The following PCDH9 variants were observed in gnomAD, a reference collection of about 807,000 sequenced individuals.
PCDH9 encodes the protein protocadherin-9.
PCDH9 carries 24 observed loss-of-function variants against 70.6 expected under a neutral mutation model. That is an observed-to-expected ratio of 0.34 (90% CI 0.25 to 0.48). The LOEUF is 0.48. Among genes scored for constraint, PCDH9 ranks in the 20% least tolerant of loss-of-function variants. PCDH9 has a pLI of 0.99. For synonymous variants in PCDH9, 562 were observed against 558.5 expected (o/e 1.01, Z -0.09); for missense variants, 1,281 against 1,503.6 (o/e 0.85, Z 2.45).
intron 3 of PCDH9, among the ~76,000 whole-genome samples, chr13:66,730,878 T>TTTTG (rs2079067182): frequency 6.0e-5 from 1 of 16,780 alleles, no homozygotes; most frequent in Non-Finnish European, 2.6e-4. Context: ...GTGTGTGTGT[T>TTTTG]TTTTTTTTGT....
intron 3 of PCDH9, among the ~76,000 whole-genome samples, chr13:66,885,776 G>A (rs1231384953): frequency 6.6e-6 from 1 of 152,144 alleles, no homozygotes; most frequent in East Asian, 1.9e-4. Flanking sequence ...TGGAAGAATT[G>A]TAATACCACT....
At chr13:66,485,384 G>A (rs528230677) in intron 4 of PCDH9, among the ~76,000 whole-genome samples, 20 of 152,020 alleles carry the variant, frequency 1.3e-4, no homozygotes, top group African/African-American at 4.3e-4. Flanking sequence ...TGAGACTATC[G>A]GCCATTAAGT....
At position 66,702,397 on chromosome 13, in the gene PCDH9, T is replaced by C. The variant is rs2078658213; in HGVS notation, c.3139-70986A>G. Among the ~76,000 whole-genome samples the C allele has an allele frequency of 2.0e-5, 3 of 152,230 alleles. No individual in the cohort carries two copies. In the South Asian group the frequency reaches 6.2e-4, roughly 32 times the overall value. The stretch of plus-strand genomic sequence containing the variant: ...TGCACAAAAGCAGACAGCAGAATGA[T>C]AGTTGCCAGGGACTGAAGGAGGGGG... On this transcript the variant is annotated intron_variant, in intron 3 of 4. Transcript: ENST00000377865.
At chr13:66,333,253 A>G (rs1175168106) in intron 4 of PCDH9, among the ~76,000 whole-genome samples, 2 of 152,156 alleles carry the variant, frequency 1.3e-5, no homozygotes, top group Admixed American at 1.3e-4. Context: ...ATAGTTGTCA[A>G]AGGATACGAT....
intron 3 of PCDH9, among the ~76,000 whole-genome samples, chr13:66,679,331 T>A (rs1293076827): frequency 6.6e-6 from 1 of 151,782 alleles, no homozygotes; most frequent in Non-Finnish European, 1.5e-5. Flanking sequence ...TAATATGATA[T>A]TATAGTGATA....
At chr13:66,552,873 G>A (rs955964414) in intron 4 of PCDH9, among the ~76,000 whole-genome samples, 1 of 152,082 alleles carries the variant, frequency 6.6e-6, no homozygotes, top group Non-Finnish European at 1.5e-5. Context: ...CAGCGTGACT[G>A]GGGAGGTCTC....
intron 3 of PCDH9, among the ~76,000 whole-genome samples, chr13:66,803,916 T>C (rs2139345894): frequency 6.6e-6 from 1 of 152,284 alleles, no homozygotes; most frequent in South Asian, 2.1e-4. Context: ...TGTTAAGTGA[T>C]CTGTGTGATT....
intron 2 of PCDH9, among the ~76,000 whole-genome samples, chr13:66,938,475 G>C (rs2082954065): frequency 6.6e-6 from 1 of 152,136 alleles, no homozygotes; most frequent in Non-Finnish European, 1.5e-5. Flanking sequence ...ATGTGGACTG[G>C]ATTCAGGTGA....
chr13:66,962,593 A>G (rs543427474), intron 2 of PCDH9, among the ~76,000 whole-genome samples: 1 of 152,346 alleles, frequency 6.6e-6, no homozygotes, highest in East Asian at 1.9e-4. Flanking sequence ...TACTGGAGGC[A>G]ATCATAACAA....
chr13:66,362,431 TC>T (rs1432204668), intron 4 of PCDH9, among the ~76,000 whole-genome samples: 1 of 152,132 alleles, frequency 6.6e-6, no homozygotes, highest in African/African-American at 2.4e-5. Flanking sequence ...TATGGGAAGA[TC>T]CCAACATTAC....
chr13:67,111,355 T>C (rs4884714), intron 2 of PCDH9, among the ~76,000 whole-genome samples: 148,808 of 152,232 alleles, frequency 0.98, 72,812 homozygotes, highest in East Asian at 1. Context: ...CAAGTGATCC[T>C]TCAAGCTATG....
chr13:67,057,370 G>C (rs893904115), intron 2 of PCDH9, among the ~76,000 whole-genome samples: 1 of 152,024 alleles, frequency 6.6e-6, no homozygotes, highest in Non-Finnish European at 1.5e-5. Context: ...ATGACCTTTA[G>C]TCTCGGTGAC....
intron 2 of PCDH9, among the ~76,000 whole-genome samples, chr13:67,084,997 A>T (rs12876581): frequency 0.025 from 808 of 32,568 alleles, 14 homozygotes; most frequent in Non-Finnish European, 0.025. Flanking sequence ...AAAAAAAAAA[A>T]ATATATATAT....
chr13:66,583,517 T>C (rs7982182), intron 4 of PCDH9, among the ~76,000 whole-genome samples: 69,147 of 151,378 alleles, frequency 0.46, 16,075 homozygotes, highest in Middle Eastern at 0.58. Context: ...GAGGCTGAGG[T>C]AGGAGAGCCA....
In PCDH9 at chr13:66,874,620, C is replaced by T. The variant is rs536959369; in HGVS notation, c.3138+28884G>A. Among the ~76,000 whole-genome samples the T allele has an allele frequency of 2.6e-5, 4 of 152,128 alleles. No homozygotes were observed. In the East Asian group the frequency reaches 7.7e-4, roughly 29 times the overall value. ...ACACAGTAACAATTATATTACAAAA[C>T]TAAGAGAAGTAAATGAGATAAATGA... On this transcript the variant is annotated intron_variant, in intron 3 of 4. Coordinates refer to ENST00000377865, the MANE Select transcript of PCDH9 (RefSeq NM_203487.3).
chr13:66,322,861 T>G (rs1016890530), intron 4 of PCDH9, among the ~76,000 whole-genome samples: 1 of 152,034 alleles, frequency 6.6e-6, no homozygotes, highest in South Asian at 2.1e-4. Flanking sequence ...ATATACTTCA[T>G]GTTCAAATGG....
At chr13:66,758,943 G>T (rs982939761) in intron 3 of PCDH9, among the ~76,000 whole-genome samples, 1 of 151,826 alleles carries the variant, frequency 6.6e-6, no homozygotes, top group Non-Finnish European at 1.5e-5. Flanking sequence ...ACAAAACTTT[G>T]TGTATTTCTG....
At chr13:67,155,836 G>A (rs544547425) in intron 2 of PCDH9, among the ~76,000 whole-genome samples, 32 of 151,964 alleles carry the variant, frequency 2.1e-4, no homozygotes, top group Non-Finnish European at 4.1e-4. Flanking sequence ...CTTTTACTTA[G>A]GTGTCTAAAT....
intron 4 of PCDH9, among the ~76,000 whole-genome samples, chr13:66,620,112 C>G (rs1045676351): frequency 2.2e-4 from 33 of 152,240 alleles, no homozygotes; most frequent in African/African-American, 7.9e-4. Context: ...AAGAAATACT[C>G]TCAATTTTTC....
Sources: gnomAD v4.1 joint callset for allele counts (sites outside exome capture counted in the v4.1 genomes callset) on GRCh38, gnomAD v4.1.1 for gene constraint, MANE v1.5 for transcripts, NCBI Gene and HGNC (gene_info 2026-07-23, HGNC 2026-07-21) for gene names.